The following SPOCK3 variants were observed in gnomAD, a reference collection of about 807,000 sequenced individuals.
SPOCK3 encodes testican-3.
SPOCK3 carries 30 observed loss-of-function variants against 56.6 expected under a neutral mutation model. The observed-to-expected ratio is 0.53, with a 90% CI of 0.40 to 0.72. The LOEUF (loss-of-function observed/expected upper bound fraction) is 0.72. Among genes scored for constraint, SPOCK3 ranks in the 30% least tolerant of loss-of-function variants. The pLI is 0.00. For missense variants in SPOCK3, 527 were observed against 530.0 expected (o/e 0.99, Z 0.06); for synonymous variants, 196 against 183.3 (o/e 1.07, Z -0.56).
At chr4:166,860,802 C>CATAT in intron 6 of SPOCK3, among the ~76,000 whole-genome samples, 18 of 101,936 alleles carry the variant, frequency 1.8e-4, no homozygotes, top group Non-Finnish European at 2.6e-4. Flanking sequence ...CACACAAATT[C>CATAT]ATATATATAT....
intron 6 of SPOCK3, among the ~76,000 whole-genome samples, chr4:166,820,660 A>G (rs1744836493): frequency 1.3e-5 from 2 of 151,918 alleles, no homozygotes; most frequent in Admixed American, 1.3e-4. Context: ...CCCCATCTCT[A>G]CAAAAATGTA....
chr4:167,197,758 A>C (rs1300901682), intron 2 of SPOCK3, among the ~76,000 whole-genome samples: 1 of 152,182 alleles, frequency 6.6e-6, no homozygotes, highest in Non-Finnish European at 1.5e-5. Context: ...TTGTGTTCAA[A>C]AAATAAGCAT....
At chr4:167,220,512 G>C (rs908214841) in intron 2 of SPOCK3, among the ~76,000 whole-genome samples, 3 of 151,176 alleles carry the variant, frequency 2.0e-5, no homozygotes, top group African/African-American at 7.3e-5. Flanking sequence ...TGAATAGCTG[G>C]GACAATAGGC....
chr4:167,056,988 G>C (rs891735061), intron 3 of SPOCK3, among the ~76,000 whole-genome samples: 17 of 152,080 alleles, frequency 1.1e-4, no homozygotes, highest in African/African-American at 4.1e-4. Context: ...TAATTGTCAG[G>C]TTCACCAAAG....
intron 6 of SPOCK3, among the ~76,000 whole-genome samples, chr4:166,836,028 T>A (rs1746580534): frequency 6.6e-6 from 1 of 152,008 alleles, no homozygotes; most frequent in Non-Finnish European, 1.5e-5. Context: ...ACACAAAAAA[T>A]TCTGTTTTAC....
chr4:166,888,192 T>A (rs577455566), intron 6 of SPOCK3, among the ~76,000 whole-genome samples: 1 of 152,218 alleles, frequency 6.6e-6, no homozygotes, highest in African/African-American at 2.4e-5. Context: ...ATGAAATACA[T>A]AAGTTTATAT....
intron 3 of SPOCK3, among the ~76,000 whole-genome samples, chr4:167,056,831 G>A (rs1487690358): frequency 6.6e-6 from 1 of 152,170 alleles, no homozygotes; most frequent in African/African-American, 2.4e-5. Flanking sequence ...AAAAGTGACG[G>A]GGAGAATAGA....
At chr4:166,835,754 C>T (rs1168410727) in intron 6 of SPOCK3, among the ~76,000 whole-genome samples, 2 of 152,178 alleles carry the variant, frequency 1.3e-5, no homozygotes, top group Non-Finnish European at 2.9e-5. Context: ...CACGCCAGCA[C>T]TTTGGGAAGC....
intron 2 of SPOCK3, among the ~76,000 whole-genome samples, chr4:167,132,452 A>AC (rs1195408876): frequency 2.6e-5 from 4 of 152,204 alleles, no homozygotes; most frequent in Non-Finnish European, 5.9e-5. Context: ...GGTCTTTAAG[A>AC]TTATACAGTT....
chr4:166,976,856 A>C (rs1746003718), intron 4 of SPOCK3, among the ~76,000 whole-genome samples: 1 of 151,914 alleles, frequency 6.6e-6, no homozygotes. Flanking sequence ...TATACTTGCC[A>C]TAAAAATCTC....
chr4:166,848,750 C>T (rs1194977244), intron 6 of SPOCK3, among the ~76,000 whole-genome samples: 2 of 152,170 alleles, frequency 1.3e-5, no homozygotes, highest in African/African-American at 4.8e-5. Context: ...ACAAGCCGGC[C>T]AGTGTTTGAG....
At chr4:166,999,040 T>C (rs1315965705) in intron 4 of SPOCK3, among the ~76,000 whole-genome samples, 3 of 152,170 alleles carry the variant, frequency 2.0e-5, no homozygotes, top group African/African-American at 7.2e-5. Flanking sequence ...TGATGGGGGA[T>C]ATGTTACTGA....
intron 4 of SPOCK3, among the ~76,000 whole-genome samples, chr4:166,923,432 A>C (rs1738726118): frequency 6.6e-6 from 1 of 152,234 alleles, no homozygotes; most frequent in Admixed American, 6.5e-5. Flanking sequence ...AGCTCACAAC[A>C]GGGAGAATAC....
At chr4:166,752,941 C>T (rs1038694063) in intron 8 of SPOCK3, among the ~76,000 whole-genome samples, 9 of 151,736 alleles carry the variant, frequency 5.9e-5, no homozygotes, top group Non-Finnish European at 7.4e-5. Flanking sequence ...ATTAAATGAC[C>T]TCAGAGAGTA....
intron 2 of SPOCK3, among the ~76,000 whole-genome samples, chr4:167,222,482 A>T (rs1253425361): frequency 7.4e-6 from 1 of 134,290 alleles, no homozygotes; most frequent in Non-Finnish European, 1.6e-5. Context: ...ATATATAAAC[A>T]TATATATTAC....
At chr4:167,174,025 AT>A (rs966359884) in intron 2 of SPOCK3, among the ~76,000 whole-genome samples, 2 of 152,144 alleles carry the variant, frequency 1.3e-5, no homozygotes, top group African/African-American at 4.8e-5. Flanking sequence ...TCTTTGCTAC[AT>A]TTTCCTCAAG....
chr4:167,008,369 GC>G (rs1318659731), intron 3 of SPOCK3, among the ~76,000 whole-genome samples: 1 of 151,722 alleles, frequency 6.6e-6, no homozygotes, highest in Non-Finnish European at 1.5e-5. Context: ...ATAATTCTTA[GC>G]AACATTATAA....
At chr4:166,799,249 A>G (rs1742290766) in intron 6 of SPOCK3, among the ~76,000 whole-genome samples, 1 of 152,202 alleles carries the variant, frequency 6.6e-6, no homozygotes, top group Admixed American at 6.5e-5. Flanking sequence ...CTGTTTGAAG[A>G]ATAGCATACC....
intron 2 of SPOCK3, among the ~76,000 whole-genome samples, chr4:167,082,552 G>C (rs903296633): frequency 1.5e-4 from 23 of 152,012 alleles, no homozygotes; most frequent in African/African-American, 5.6e-4. Context: ...AAGGACATAC[G>C]AGCAGGCAAT....
Sources: gnomAD v4.1 joint callset for allele counts (sites outside exome capture counted in the v4.1 genomes callset) on GRCh38, gnomAD v4.1.1 for gene constraint, MANE v1.5 for transcripts, NCBI Gene and HGNC (gene_info 2026-07-23, HGNC 2026-07-21) for gene names.